Variants in TSPAN9 observed in about 807,000 individuals in gnomAD.
TSPAN9 encodes the protein tetraspanin 9, also known as tetraspanin-9.
Under a neutral mutation model 31.0 loss-of-function variants are expected in TSPAN9, and 16 were observed. The observed-to-expected ratio is 0.52, with a 90% CI of 0.35 to 0.78. The LOEUF is 0.78. Ranked by LOEUF, TSPAN9 falls within the 30% of genes least tolerant of loss-of-function variation. The pLI, the probability that TSPAN9 is intolerant of heterozygous loss-of-function variation, is 0.01. For missense variants in TSPAN9, 272 were observed against 312.5 expected, an observed-to-expected ratio of 0.87 and a Z score of 0.98; for synonymous variants, 145 against 121.6, an observed-to-expected ratio of 1.19 and a Z score of -1.27.
At position 3,200,388 on chromosome 12, in the gene TSPAN9, C is replaced by T. The variant is rs908354897; in HGVS notation, c.-17-789C>T. ...CAGCGGTTGCAGCTGCGGCGGATCCCTCGGCACTGTCCGCCGCGCGCCGGG... is the reference window on the plus strand; with the variant it reads ...CAGCGGTTGCAGCTGCGGCGGATCCTTCGGCACTGTCCGCCGCGCGCCGGG... On this transcript the variant is annotated intron_variant, in intron 2 of 8. Coordinates refer to ENST00000011898, the MANE Select transcript of TSPAN9 (RefSeq NM_006675.5). The T allele has an allele frequency of 4.6e-5, 7 of 152,344 alleles. No homozygotes were observed. In the South Asian group the frequency reaches 6.2e-4, roughly 14 times the overall value. The allele number at this position is 152,344 out of a possible 1,614,324, so 9.4% of individuals were successfully genotyped here.
At chr12:3,252,151 C>T (rs1862254844) in intron 3 of TSPAN9, among the ~76,000 whole-genome samples, 1 of 152,206 alleles carries the variant, frequency 6.6e-6, no homozygotes, top group Non-Finnish European at 1.5e-5. Context: ...CTCTGCATAC[C>T]TCCATGTTCA....
At position 3,280,954 on chromosome 12, in the gene TSPAN9, G is replaced by T. The variant is rs1862880905; in HGVS notation, c.433-244G>T. On this transcript the variant is annotated intron_variant, in intron 6 of 8. Transcript: ENST00000011898. This position sits in a 1 kb window ranked among gnomAD's most constrained non-coding sequence, Gnocchi z 4.5. Reference sequence around the variant, plus strand: ...GCACAGGGCTGAGCCAAGGGGCCCAGCCCGAGGGGTGGGCTGCATTGCCCT... The same window carrying T: ...GCACAGGGCTGAGCCAAGGGGCCCATCCCGAGGGGTGGGCTGCATTGCCCT... 6.6e-6 allele frequency among the ~76,000 whole-genome samples: 1 copy of T among 152,182 alleles called. No homozygotes were observed. The highest frequency in any genetic ancestry group is 1.5e-5 in the Non-Finnish European group (1 of 68,020).
intron 3 of TSPAN9, among the ~76,000 whole-genome samples, chr12:3,253,293 T>G (rs1382813990): frequency 1.3e-5 from 2 of 152,252 alleles, no homozygotes; most frequent in Non-Finnish European, 1.5e-5. Context: ...GGAGGCTGCC[T>G]GCCGGCTCAG....
At position 3,250,873 on chromosome 12, in the gene TSPAN9, G is replaced by A. The variant is rs1591705966; in HGVS notation, c.64-27548G>A. 2.6e-5 allele frequency among the ~76,000 whole-genome samples: 4 copies of A among 152,368 alleles called. No homozygotes were observed. In the South Asian group the frequency reaches 8.3e-4, roughly 32 times the overall value. The stretch of plus-strand genomic sequence containing the variant: ...GCACAGCAGCCTGCCCTGAGGAAGG[G>A]CCTCGGGCCCTGAGAGGGACTGAGG... On this transcript the variant is annotated intron_variant, in intron 3 of 8. Coordinates refer to ENST00000011898, the MANE Select transcript of TSPAN9 (RefSeq NM_006675.5).
At chr12:3,206,642 C>G (rs776397141) in intron 3 of TSPAN9, among the ~76,000 whole-genome samples, 2 of 151,848 alleles carry the variant, frequency 1.3e-5, no homozygotes, top group Non-Finnish European at 2.9e-5. Flanking sequence ...AATCCTGTGG[C>G]CTTTCTGTTT....
At chr12:3,254,844 A>G (rs1862315601) in intron 3 of TSPAN9, among the ~76,000 whole-genome samples, 1 of 152,202 alleles carries the variant, frequency 6.6e-6, no homozygotes. Flanking sequence ...GATGTCCAGC[A>G]TGCACCACGT....
At chr12:3,144,143 C>T (rs1330411425) in intron 2 of TSPAN9, among the ~76,000 whole-genome samples, 2 of 152,026 alleles carry the variant, frequency 1.3e-5, no homozygotes, top group African/African-American at 2.4e-5. Flanking sequence ...TGCTGTCACC[C>T]AGGCTGGAGT....
chr12:3,270,991 G>A (rs374951251), intron 3 of TSPAN9, among the ~76,000 whole-genome samples: 9 of 152,220 alleles, frequency 5.9e-5, no homozygotes, highest in African/African-American at 1.7e-4. Flanking sequence ...AAGTTTGGCC[G>A]TGGGTAGACA....
chr12:3,094,861 T>G (rs1337235132), intron 2 of TSPAN9, among the ~76,000 whole-genome samples: 15 of 132,452 alleles, frequency 1.1e-4, no homozygotes, highest in South Asian at 2.2e-4. Flanking sequence ...TTTTTTTTTT[T>G]TTTTTTTTGT....
At position 3,272,050 on chromosome 12, in the gene TSPAN9, C is replaced by T. The variant is rs145941163; in HGVS notation, c.64-6371C>T. The stretch of plus-strand genomic sequence containing the variant: ...TTAAATGTTGGGCCTGGCCTTGGCT[C>T]ATAGAAACATTAGGGAGCACTCAGT... On this transcript the variant is annotated intron_variant, in intron 3 of 8. Coordinates refer to ENST00000011898, the MANE Select transcript of TSPAN9 (RefSeq NM_006675.5). Among the ~76,000 whole-genome samples, 520 of 152,280 alleles carry T rather than the reference C, an allele frequency of 3.4e-3. 4 individuals are homozygous for T. The highest frequency in any genetic ancestry group is 0.012 in the African/African-American group (484 of 41,536).
rs532165664 is a variant in TSPAN9, at chr12:3,114,285, AC to A, written c.-18+30568del. On this transcript the variant is annotated intron_variant, in intron 2 of 8. Coordinates refer to ENST00000011898, the MANE Select transcript of TSPAN9 (RefSeq NM_006675.5). The stretch of plus-strand genomic sequence containing the variant: ...AATTTAAATTTCATGTCATTTCCAC[AC>A]CATGAATATTCTGCTTTTGATTTTT... Among the ~76,000 whole-genome samples, 3 of 152,240 alleles carry A rather than the reference AC, an allele frequency of 2.0e-5. No individual in the cohort carries two copies. In the South Asian group the frequency reaches 6.2e-4, roughly 32 times the overall value.
chr12:3,186,040 C>T (rs538237873), intron 2 of TSPAN9, among the ~76,000 whole-genome samples: 31 of 152,060 alleles, frequency 2.0e-4, no homozygotes, highest in Non-Finnish European at 4.1e-4. Context: ...AAATGAAGTG[C>T]GAAGGTGGGA....
At chr12:3,113,137 C>T (rs867076549) in intron 2 of TSPAN9, among the ~76,000 whole-genome samples, 14 of 152,306 alleles carry the variant, frequency 9.2e-5, no homozygotes, top group Middle Eastern at 3.4e-3. Flanking sequence ...TTACCGCCCT[C>T]ATAAGCTTAC....
In TSPAN9 at chr12:3,181,139, G is replaced by A. The variant is rs142176958; in HGVS notation, c.-17-20038G>A. Reference sequence around the variant, plus strand: ...ACCATCTTATGTGCGAGCGGCTGGCGCCCGGGAGAGGAATTAGGCCTCTGC... The same window carrying A: ...ACCATCTTATGTGCGAGCGGCTGGCACCCGGGAGAGGAATTAGGCCTCTGC... On this transcript the variant is annotated intron_variant, in intron 2 of 8. Transcript: ENST00000011898. Among the ~76,000 whole-genome samples, 257 of 152,258 alleles carry A rather than the reference G, an allele frequency of 1.7e-3. 1 individual carries two copies. Among genetic ancestry groups the A allele is most frequent in the African/African-American group, 5.7e-3 (236 of 41,542 alleles).
In TSPAN9 at chr12:3,118,154, A is replaced by C. The variant is rs542459613; in HGVS notation, c.-18+34435A>C. 7.9e-5 allele frequency among the ~76,000 whole-genome samples: 12 copies of C among 151,430 alleles called. 1 individual carries two copies. In the South Asian group the frequency reaches 2.3e-3, roughly 29 times the overall value. ...TGTGAAGTGAGTTGATACGTGAAGC[A>C]TGTAGAACCCCCCCGGCATGTAGAA... On this transcript the variant is annotated intron_variant, in intron 2 of 8. Transcript: ENST00000011898.
At chr12:3,191,322 G>A (rs1181937998) in intron 2 of TSPAN9, among the ~76,000 whole-genome samples, 1 of 152,134 alleles carries the variant, frequency 6.6e-6, no homozygotes, top group Non-Finnish European at 1.5e-5. Context: ...TCATTCCAGT[G>A]GAGCGTGTGG....
chr12:3,103,094 A>C (rs1024139830), intron 2 of TSPAN9, among the ~76,000 whole-genome samples: 3 of 152,178 alleles, frequency 2.0e-5, no homozygotes, highest in Non-Finnish European at 4.4e-5. Context: ...ATATAATCCC[A>C]GTCAGCGTTG....
intron 2 of TSPAN9, among the ~76,000 whole-genome samples, chr12:3,183,086 C>T (rs1235567774): frequency 6.6e-6 from 1 of 152,156 alleles, no homozygotes; most frequent in Admixed American, 6.5e-5. Flanking sequence ...TTGCTGATGA[C>T]ACATGCAAGT....
chr12:3,257,269 G>T (rs1862364180), intron 3 of TSPAN9, among the ~76,000 whole-genome samples: 1 of 151,892 alleles, frequency 6.6e-6, no homozygotes, highest in African/African-American at 2.4e-5. Flanking sequence ...GAAGCATGTG[G>T]GCAGTTCTCT....
Sources: allele counts gnomAD v4.1 joint callset (sites outside exome capture counted in the v4.1 genomes callset), GRCh38; gene constraint gnomAD v4.1.1; non-coding constraint Gnocchi (gnomAD v3.1); transcripts MANE v1.5; gene names NCBI Gene and HGNC (gene_info 2026-07-23, HGNC 2026-07-21).